ARK2N: variants seen among roughly 807,000 people sequenced by gnomAD.
ARK2N encodes protein ARK2N.
chr18:46,201,679 T>A, the ARK2N span, among the ~76,000 whole-genome samples: 42 of 152,104 alleles, frequency 2.8e-4, no homozygotes, highest in Non-Finnish European at 5.9e-5. Flanking sequence ...GGCAGGTGTT[T>A]TTTTTCCCCT....
the ARK2N span, among the ~76,000 whole-genome samples, chr18:46,211,140 A>G: frequency 6.6e-6 from 1 of 152,296 alleles, no homozygotes; most frequent in South Asian, 2.1e-4. Context: ...TAGGGCCAAA[A>G]TATGTTGGAT....
chr18:46,217,329 G>T, the ARK2N span: 1 of 152,166 alleles, frequency 6.6e-6, no homozygotes, highest in Non-Finnish European at 1.5e-5. Context: ...TACAAAGGCA[G>T]TCTTGAGATT....
chr18:46,205,068 T>C, the ARK2N span, among the ~76,000 whole-genome samples: 1 of 152,020 alleles, frequency 6.6e-6, no homozygotes, highest in African/African-American at 2.4e-5. Context: ...CGACCACGCC[T>C]GGCTAATTTT....
At chr18:46,222,490 G>A in the ARK2N span, among the ~76,000 whole-genome samples, 1 of 152,164 alleles carries the variant, frequency 6.6e-6, no homozygotes, top group Non-Finnish European at 1.5e-5. Context: ...TAATTAAAAA[G>A]CTTTGAAGTC....
chr18:46,240,262 C>A, the ARK2N span: 1 of 1,492,764 alleles, frequency 6.7e-7, no homozygotes, highest in Non-Finnish European at 9.1e-7. Context: ...TGTAGTGGAC[C>A]CTGATGAGGA....
the ARK2N span, among the ~76,000 whole-genome samples, chr18:46,189,772 G>C: frequency 1.9e-4 from 29 of 152,306 alleles, no homozygotes; most frequent in East Asian, 4.4e-3. Flanking sequence ...ACCAAGGTGG[G>C]CGGATCGCTT....
chr18:46,224,774 C>CT, the ARK2N span, among the ~76,000 whole-genome samples: 1 of 152,196 alleles, frequency 6.6e-6, no homozygotes, highest in East Asian at 1.9e-4. Context: ...GAATTAGTGA[C>CT]TTTGATTAAT....
the ARK2N span, among the ~76,000 whole-genome samples, chr18:46,187,236 C>T: frequency 8.0e-5 from 12 of 149,704 alleles, no homozygotes; most frequent in African/African-American, 2.0e-4. Flanking sequence ...GAGCTAAGAT[C>T]GCGTCATTGC....
the ARK2N span, among the ~76,000 whole-genome samples, chr18:46,251,683 G>A: frequency 3.8e-4 from 58 of 152,288 alleles, no homozygotes; most frequent in African/African-American, 1.3e-3. Context: ...ATAGTGTTAT[G>A]TGTAATACTT....
At chr18:46,174,938 C>T in the ARK2N span, among the ~76,000 whole-genome samples, 1 of 152,236 alleles carries the variant, frequency 6.6e-6, no homozygotes, top group Non-Finnish European at 1.5e-5. Flanking sequence ...CTTCCACTAC[C>T]TTCGGTCGGC....
the ARK2N span, chr18:46,266,255 ACT>A: frequency 6.6e-6 from 1 of 152,594 alleles, no homozygotes; most frequent in African/African-American, 2.4e-5. Flanking sequence ...TGCTTTTTAT[ACT>A]GTCACAAAGG....
chr18:46,207,514 C>T, the ARK2N span, among the ~76,000 whole-genome samples: 64 of 151,804 alleles, frequency 4.2e-4, no homozygotes, highest in African/African-American at 9.7e-4. Context: ...CTCAGCCTCC[C>T]GAGTAGCTGG....
At chr18:46,195,818 T>A in the ARK2N span, among the ~76,000 whole-genome samples, 1 of 151,912 alleles carries the variant, frequency 6.6e-6, no homozygotes, top group Non-Finnish European at 1.5e-5. Context: ...TCAAGTGATC[T>A]ACCTGCTTCA....
At chr18:46,184,796 T>A in the ARK2N span, among the ~76,000 whole-genome samples, 2 of 152,318 alleles carry the variant, frequency 1.3e-5, no homozygotes, top group South Asian at 4.1e-4. Context: ...CTTCATAGAA[T>A]TGAATGTGTA....
chr18:46,230,459 G>T, the ARK2N span, among the ~76,000 whole-genome samples: 1 of 152,148 alleles, frequency 6.6e-6, no homozygotes, highest in Admixed American at 6.5e-5. Flanking sequence ...TTTTAAGAAG[G>T]TTAAGGACCA....
the ARK2N span, among the ~76,000 whole-genome samples, chr18:46,250,149 C>G: frequency 6.6e-6 from 1 of 152,064 alleles, no homozygotes; most frequent in Non-Finnish European, 1.5e-5. Context: ...CTGACCTGAG[C>G]TTTAGAACAG....
the ARK2N span, among the ~76,000 whole-genome samples, chr18:46,209,230 G>A: frequency 6.6e-6 from 1 of 150,542 alleles, no homozygotes; most frequent in Non-Finnish European, 1.5e-5. Context: ...ATGAATTATT[G>A]TACTCAGCAG....
the ARK2N span, among the ~76,000 whole-genome samples, chr18:46,248,831 C>T: frequency 2.6e-5 from 4 of 152,214 alleles, no homozygotes; most frequent in African/African-American, 9.6e-5. Flanking sequence ...GATCTGCCTG[C>T]CTTGGCCTCC....
At chr18:46,262,266 T>C in the ARK2N span, among the ~76,000 whole-genome samples, 1 of 152,334 alleles carries the variant, frequency 6.6e-6, no homozygotes, top group South Asian at 2.1e-4. Context: ...AACAAGGCAG[T>C]TCTCTCCCTC....
Sources: gnomAD v4.1 joint callset for allele counts (sites outside exome capture counted in the v4.1 genomes callset) on GRCh38, gnomAD v4.1.1 for gene constraint, MANE v1.5 for transcripts, NCBI Gene and HGNC (gene_info 2026-07-23, HGNC 2026-07-21) for gene names.